Variants in ACSM3 observed in about 807,000 individuals in gnomAD.
ACSM3 encodes acyl-coenzyme A synthetase ACSM3, mitochondrial.
A neutral mutation model predicts 74.1 loss-of-function variants in ACSM3; 61 were observed. That is an observed-to-expected ratio of 0.82 (90% confidence interval 0.67 to 1.02). ACSM3 has a LOEUF of 1.02. Ranked by LOEUF, ACSM3 falls within the 50% of genes least tolerant of loss-of-function variation. The pLI is 0.00. For synonymous variants in ACSM3, 213 were observed against 241.5 expected (o/e 0.88, Z 1.09); for missense variants, 660 against 697.0 (o/e 0.95, Z 0.60).
At chr16:20,751,289 A>C (rs917184575) in intron 2 of ACSM3, among the ~76,000 whole-genome samples, 1 of 152,240 alleles carries the variant, frequency 6.6e-6, no homozygotes, top group African/African-American at 2.4e-5. Flanking sequence ...AAGGTCTTCT[A>C]TCTGTATGTA....
intron 2 of ACSM3, among the ~76,000 whole-genome samples, chr16:20,774,028 C>T (rs2080224726): frequency 2.0e-5 from 3 of 152,038 alleles, no homozygotes; most frequent in African/African-American, 7.2e-5. Context: ...TTTATATATC[C>T]AGGTGCACTG....
At chr16:20,785,356 A>T (rs997181499) in intron 8 of ACSM3, among the ~76,000 whole-genome samples, 1 of 152,224 alleles carries the variant, frequency 6.6e-6, no homozygotes. Context: ...ATATTTTTTT[A>T]AATGAAATAA....
In ACSM3 at chr16:20,724,560, C is replaced by T. The variant is rs376810460; in HGVS notation, c.-189-25350C>T. On this transcript the variant is annotated intron_variant, in intron 1 of 3. Coordinates refer to the ACSM3 transcript ENST00000561584. ...TCAGGCAGGAGAAGGAAATAAAGGGCATTCAATTAGGAAAAGAAGAAGTCA... is the reference window on the plus strand; with the variant it reads ...TCAGGCAGGAGAAGGAAATAAAGGGTATTCAATTAGGAAAAGAAGAAGTCA... Among the ~76,000 whole-genome samples the T allele has an allele frequency of 2.6e-5, 4 of 152,268 alleles. No individual in the cohort carries two copies. In the East Asian group the frequency reaches 5.8e-4, roughly 22 times the overall value.
At chr16:20,737,562 GTTGAT>G (rs1385049170) in intron 1 of ACSM3, 17 of 853,116 alleles carry the variant, frequency 2.0e-5, no homozygotes, top group Admixed American at 3.6e-5. Flanking sequence ...ATTGAAATCA[GTTGAT>G]TTAATACTAT....
At chr16:20,791,006 A>G in intron 10 of ACSM3, 1 of 1,492,668 alleles carries the variant, frequency 6.7e-7, no homozygotes, top group South Asian at 1.2e-5. Flanking sequence ...TTTTCCTGAA[A>G]TCCAGTTAGT....
chr16:20,752,196 A>C (rs996126225), intron 2 of ACSM3, among the ~76,000 whole-genome samples: 5 of 152,074 alleles, frequency 3.3e-5, no homozygotes, highest in Admixed American at 2.6e-4. Context: ...TCTCACAAAA[A>C]AAAAAAGTGG....
chr16:20,738,913 G>A (rs771829956), intron 1 of ACSM3: 1 of 1,614,112 alleles, frequency 6.2e-7, no homozygotes, highest in Admixed American at 1.7e-5. Flanking sequence ...CAAGTGTCCT[G>A]ATGAAGACAA....
intron 1 of ACSM3, chr16:20,737,089 T>C (rs200457464): frequency 1.2e-6 from 2 of 1,614,194 alleles, no homozygotes; most frequent in Non-Finnish European, 1.7e-6. Context: ...TTAGCTTCTT[T>C]CCCATTTCCC....
intron 1 of ACSM3, chr16:20,682,280 C>T (rs2079461985): frequency 1.2e-6 from 2 of 1,613,386 alleles, no homozygotes. Context: ...GAAGTCCAGC[C>T]ACCCTTCACG....
rs2080251564 is a variant in ACSM3, at chr16:20,776,008, T to C, written c.389T>C (p.Val130Ala). 1.2e-6 allele frequency: 2 copies of C among 1,614,056 alleles called. No individual in the cohort carries two copies. Among genetic ancestry groups the C allele is most frequent in the Non-Finnish European group, 8.5e-7 (1 of 1,180,054 alleles). Residue 130 changes from valine to alanine, a missense_variant, in exon 3 of 14, where the codon GTC becomes GCC. By Grantham distance (64) the Val-to-Ala change is moderately conservative. Transcript: ENST00000289416. Reference protein sequence around the residue: ...GDRVILILPRVPEWWLANVAC... With the variant: ...GDRVILILPRAPEWWLANVAC... ...CGGGTAATTCTGATTCTGCCCAGGG[T>C]CCCAGAGTGGTGGCTTGCAAATGTG...
intron 1 of ACSM3, chr16:20,739,215 TC>T: frequency 1.2e-6 from 1 of 853,276 alleles, no homozygotes; most frequent in Non-Finnish European, 1.8e-6. Context: ...TCGCTTTGCC[TC>T]CCAGGCTGGA....
intron 1 of ACSM3, among the ~76,000 whole-genome samples, chr16:20,739,477 G>A (rs1443368232): frequency 6.6e-6 from 1 of 152,040 alleles, no homozygotes. Context: ...AGCTGACTCA[G>A]TATTGATAAT....
At chr16:20,719,132 GT>G (rs1427186219) in intron 1 of ACSM3, 1 of 154,448 alleles carries the variant, frequency 6.5e-6, no homozygotes, top group Non-Finnish European at 1.5e-5. Flanking sequence ...AGCCCTTAAG[GT>G]TTGGGGGCAA....
intron 1 of ACSM3, chr16:20,711,423 C>A: frequency 1.3e-6 from 1 of 776,190 alleles, no homozygotes; most frequent in Non-Finnish European, 2.0e-6. Flanking sequence ...CTTCCACCGT[C>A]CACAGAGTCT....
intron 1 of ACSM3, among the ~76,000 whole-genome samples, chr16:20,732,076 T>C (rs2079833856): frequency 6.6e-6 from 1 of 152,194 alleles, no homozygotes; most frequent in African/African-American, 2.4e-5. Context: ...CTCTTGGCCC[T>C]AATACCCATA....
intron 2 of ACSM3, among the ~76,000 whole-genome samples, chr16:20,770,961 T>A (rs1231683411): frequency 6.6e-6 from 1 of 152,182 alleles, no homozygotes; most frequent in African/African-American, 2.4e-5. Flanking sequence ...CACTCTACAG[T>A]GCTATAGAAC....
At chr16:20,742,093 C>T (rs2079932645) in intron 1 of ACSM3, 2 of 1,284,318 alleles carry the variant, frequency 1.6e-6, no homozygotes, top group South Asian at 3.1e-5. Context: ...CTCCAGCCTT[C>T]CCTATAATTC....
chr16:20,686,440 A>G (rs750750612), intron 1 of ACSM3, among the ~76,000 whole-genome samples: 7 of 152,136 alleles, frequency 4.6e-5, no homozygotes, highest in Non-Finnish European at 1.0e-4. Context: ...TTACACAGGC[A>G]GGGGAACAAC....
chr16:20,781,877 C>A, intron 7 of ACSM3, 90 bp downstream of exon 7: 1 of 976,828 alleles, frequency 1.0e-6, no homozygotes, highest in South Asian at 1.4e-5. Context: ...AAACATAGCT[C>A]CAAGCCAGTA....
Sources: gnomAD v4.1 joint callset for allele counts (sites outside exome capture counted in the v4.1 genomes callset) on GRCh38, gnomAD v4.1.1 for gene constraint, MANE v1.5 for transcripts, NCBI Gene and HGNC (gene_info 2026-07-23, HGNC 2026-07-21) for gene names.